Variants in DPPA2 observed in about 807,000 individuals in gnomAD.
The protein encoded by DPPA2 is developmental pluripotency-associated protein 2.
In DPPA2, 26 loss-of-function variants were observed where a neutral mutation model predicts 36.2. That is an observed-to-expected ratio of 0.72 (90% confidence interval 0.53 to 1.00). The LOEUF is 1.00. DPPA2 is among the 50% of genes least tolerant of loss of function. The pLI, the probability that DPPA2 is intolerant of heterozygous loss-of-function variation, is 0.00. For synonymous variants in DPPA2, 113 were observed against 123.2 expected (o/e 0.92, Z 0.55); for missense variants, 361 against 365.1 (o/e 0.99, Z 0.09).
chr3:109,297,274 A>T (rs1189779646), intron 8 of DPPA2, among the ~76,000 whole-genome samples: 2 of 152,192 alleles, frequency 1.3e-5, no homozygotes, highest in Non-Finnish European at 2.9e-5. Context: ...CTGTAATCCC[A>T]GCACTTTCAG....
At chr3:109,304,367 A>T in intron 7 of DPPA2, 108 bp downstream of exon 7, 1 of 1,188,388 alleles carries the variant, frequency 8.4e-7, no homozygotes, top group Non-Finnish European at 1.2e-6. Context: ...GTGGCAAATT[A>T]AGAAGACAGC....
chr3:109,298,235 A>T (rs1707387752), intron 8 of DPPA2, among the ~76,000 whole-genome samples: 1 of 152,220 alleles, frequency 6.6e-6, no homozygotes, highest in Non-Finnish European at 1.5e-5. Context: ...TCAAAACCAT[A>T]GAATGTACAA....
Position 109,293,988 on chromosome 3 carries a change from C to T in DPPA2, c.*39G>A, listed in dbSNP as rs1453077957. The T allele has an allele frequency of 6.6e-6, 1 of 152,148 alleles. No individual in the cohort carries two copies. The highest frequency in any genetic ancestry group is 1.5e-5 in the Non-Finnish European group (1 of 68,038). The allele number at this position is 152,148 out of a possible 1,614,324, so 9.4% of individuals were successfully genotyped here. A position where few individuals can be genotyped will look rare whatever the true frequency, so the allele number is the denominator to read the frequency against. On this transcript the variant is annotated 3_prime_UTR_variant, in exon 9 of 9. Coordinates refer to ENST00000478945, the MANE Select transcript of DPPA2 (RefSeq NM_138815.4). ...TAATAGGTTACATGATCTGAAAGTACATCCCTCCTTTAGTACCTAGAAGCA... is the reference window on the plus strand; with the variant it reads ...TAATAGGTTACATGATCTGAAAGTATATCCCTCCTTTAGTACCTAGAAGCA...
Position 109,304,639 on chromosome 3 carries a change from A to C in DPPA2, c.690T>G (p.Leu230=). 1 of 1,612,086 alleles carries C rather than the reference A, an allele frequency of 6.2e-7. No individual in the cohort carries two copies. The highest frequency in any genetic ancestry group is 8.5e-7 in the Non-Finnish European group (1 of 1,179,330). ...GVRWCVVHGR[L]LSADTKGWVR... ...CCCAACCCTTTGTGTCTGCCGAGAG[A>C]AGTCTGCCATGGACCACACACCACC... is the stretch of plus-strand genomic sequence containing the variant. Residue 230 remains leucine, a synonymous_variant, in exon 7 of 9, where the codon CTT becomes CTG. Transcript: ENST00000478945.
intron 8 of DPPA2, 97 bp from the exon 9 acceptor site, chr3:109,294,101 G>T (rs1707310674): frequency 6.6e-6 from 1 of 152,112 alleles, no homozygotes; most frequent in Non-Finnish European, 1.5e-5. Flanking sequence ...CACTGCAAGA[G>T]GAAAAGAAAT....
Position 109,314,603 on chromosome 3 carries a change from T to C in DPPA2, c.-13-48A>G, listed in dbSNP as rs979681019. 2.4e-5 allele frequency: 36 copies of C among 1,528,278 alleles called. 1 individual carries two copies. The Admixed American group carries it at 5.4e-4, about 23-fold the overall frequency. 94.7% of individuals were successfully genotyped at this position (1,528,278 alleles called of 1,614,324 possible). On this transcript the variant is annotated intron_variant, in intron 1 of 8. Transcript: ENST00000478945. ...TGTTAAGGATATGGTAGTTTACTTCTCTTAACCTGCTTTCTCCTTTTATAA... is the reference window on the plus strand; with the variant it reads ...TGTTAAGGATATGGTAGTTTACTTCCCTTAACCTGCTTTCTCCTTTTATAA...
intron 3 of DPPA2, among the ~76,000 whole-genome samples, chr3:109,310,031 T>G (rs1469887358): frequency 6.6e-6 from 1 of 151,580 alleles, no homozygotes; most frequent in Non-Finnish European, 1.5e-5. Context: ...GAGACCAGCC[T>G]GACCAATATG....
intron 7 of DPPA2, among the ~76,000 whole-genome samples, chr3:109,304,090 T>G (rs938209584): frequency 6.6e-6 from 1 of 151,902 alleles, no homozygotes; most frequent in African/African-American, 2.4e-5. Context: ...ACCAACATGG[T>G]GAAACCCTTT....
chr3:109,300,259 GT>G (rs1707434951), intron 8 of DPPA2, 111 bp downstream of exon 8: 9 of 851,442 alleles, frequency 1.1e-5, no homozygotes, highest in African/African-American at 1.7e-5. Flanking sequence ...TTTATGTCCT[GT>G]TTTTTAGTGA....
chr3:109,308,385 G>A (rs952273216), intron 5 of DPPA2, 92 bp from the exon 6 acceptor site: 56 of 1,429,698 alleles, frequency 3.9e-5, no homozygotes, highest in Admixed American at 1.1e-4. Flanking sequence ...TTTTTGAGAC[G>A]GAGTCTCGCT....
chr3:109,315,448 G>A (rs1203718230), intron 1 of DPPA2, among the ~76,000 whole-genome samples: 1 of 152,178 alleles, frequency 6.6e-6, no homozygotes, highest in Non-Finnish European at 1.5e-5. Flanking sequence ...CAAGGCAAGT[G>A]GTGGAGTAAC....
chr3:109,304,522 TGGGAAA>T lies in DPPA2; in HGVS notation c.801_806del (p.Phe268_Pro269del). Reference sequence around the variant, plus strand: ...ACATATTATCTTCTATGCCTGGGGATGGGAAAATGCAGGCAGGTAACAAGAAGAGAG... The same window carrying T: ...ACATATTATCTTCTATGCCTGGGGATATGCAGGCAGGTAACAAGAAGAGAG... On this transcript the variant is annotated inframe_deletion, in exon 7 of 9. Transcript: ENST00000478945. The T allele has an allele frequency of 1.9e-6, 3 of 1,613,954 alleles. No homozygotes were observed. The highest frequency in any genetic ancestry group is 1.1e-5 in the South Asian group (1 of 91,074).
At chr3:109,312,856 T>G (rs956288922) in intron 2 of DPPA2, among the ~76,000 whole-genome samples, 164 bp from the exon 3 acceptor site, 3 of 152,122 alleles carry the variant, frequency 2.0e-5, no homozygotes, top group African/African-American at 7.2e-5. Context: ...GACCCTTTAT[T>G]AAATAAAGGA....
intron 7 of DPPA2, among the ~76,000 whole-genome samples, chr3:109,303,121 G>T (rs992363976): frequency 1.1e-4 from 16 of 152,082 alleles, no homozygotes; most frequent in African/African-American, 3.9e-4. Context: ...TAGAAACAGG[G>T]TTTCACCATG....
At chr3:109,303,175 C>A (rs1215680295) in intron 7 of DPPA2, among the ~76,000 whole-genome samples, 1 of 152,076 alleles carries the variant, frequency 6.6e-6, no homozygotes, top group African/African-American at 2.4e-5. Flanking sequence ...ATGATCTGCC[C>A]ACCTTGGCCT....
intron 3 of DPPA2, among the ~76,000 whole-genome samples, 154 bp from the exon 4 acceptor site, chr3:109,309,484 G>A (rs965108193): frequency 6.7e-6 from 1 of 148,552 alleles, no homozygotes; most frequent in Non-Finnish European, 1.5e-5. Context: ...TCAGGAGATC[G>A]AGACCATCCT....
chr3:109,301,124 C>G (rs1160561103), intron 7 of DPPA2, among the ~76,000 whole-genome samples: 1 of 151,678 alleles, frequency 6.6e-6, no homozygotes, highest in Non-Finnish European at 1.5e-5. Flanking sequence ...GTTGGGACCA[C>G]AGGTGCATGC....
intron 6 of DPPA2, among the ~76,000 whole-genome samples, chr3:109,304,875 G>A (rs1033977314): frequency 4.6e-5 from 7 of 152,168 alleles, no homozygotes; most frequent in Admixed American, 2.0e-4. Flanking sequence ...GGCTAGGCGC[G>A]GTGGCTCACG....
intron 7 of DPPA2, 48 bp from the exon 8 acceptor site, chr3:109,300,483 A>G: frequency 6.4e-7 from 1 of 1,564,506 alleles, no homozygotes; most frequent in Non-Finnish European, 8.8e-7. Flanking sequence ...ACAGCAAGGT[A>G]AACCATCCCT....
Sources: allele counts gnomAD v4.1 joint callset (sites outside exome capture counted in the v4.1 genomes callset), GRCh38; gene constraint gnomAD v4.1.1; transcripts MANE v1.5; gene names NCBI Gene and HGNC (gene_info 2026-07-23, HGNC 2026-07-21).